CEP112: variants seen among roughly 807,000 people sequenced by gnomAD.
CEP112 encodes centrosomal protein of 112 kDa.
CEP112 carries 127 observed loss-of-function variants against 153.0 expected under a neutral mutation model. The ratio of observed to expected loss-of-function variants is 0.83; its 90% CI spans 0.72 to 0.96. The LOEUF is 0.96. CEP112 is among the 40% of genes least tolerant of loss of function. The probability of loss-of-function intolerance (pLI) is 0.00; values close to 1 mark genes in which losing one functional copy is unlikely to be tolerated. For synonymous variants in CEP112, 358 were observed against 374.4 expected, an observed-to-expected ratio of 0.96 and a Z score of 0.51; for missense variants, 1,089 against 1,101.2, an observed-to-expected ratio of 0.99 and a Z score of 0.16.
chr17:66,031,855 C>T (rs536758598), intron 12 of CEP112, among the ~76,000 whole-genome samples: 1 of 152,112 alleles, frequency 6.6e-6, no homozygotes, highest in Admixed American at 6.5e-5. Flanking sequence ...TGCTTTTACC[C>T]TAGAGGTATT....
intron 21 of CEP112, among the ~76,000 whole-genome samples, chr17:65,759,790 C>T (rs1201146372): frequency 1.3e-5 from 2 of 152,178 alleles, no homozygotes; most frequent in Admixed American, 1.3e-4. Flanking sequence ...CTGATTCTTT[C>T]ATCAGAATTC....
intron 8 of CEP112, among the ~76,000 whole-genome samples, chr17:66,083,396 G>C (rs1196242587): frequency 6.6e-6 from 1 of 151,852 alleles, no homozygotes; most frequent in African/African-American, 2.4e-5. Flanking sequence ...CCCAGTCTTG[G>C]GTATGTCTTT....
intron 24 of CEP112, among the ~76,000 whole-genome samples, chr17:65,660,323 T>C (rs754592856): frequency 0.018 from 1,570 of 86,894 alleles, 62 homozygotes; most frequent in African/African-American, 0.09. Context: ...TTTCTTCCTT[T>C]CTTTCTCTTT....
chr17:65,821,057 T>C (rs1296205257), intron 21 of CEP112, among the ~76,000 whole-genome samples: 1 of 151,840 alleles, frequency 6.6e-6, no homozygotes, highest in Non-Finnish European at 1.5e-5. Flanking sequence ...AAAACTCACA[T>C]CTGCACACAC....
intron 21 of CEP112, among the ~76,000 whole-genome samples, chr17:65,846,557 T>TTTTTGTTTTG (rs534407866): frequency 5.9e-5 from 9 of 152,050 alleles, no homozygotes; most frequent in African/African-American, 1.7e-4. Flanking sequence ...ATTATCATTC[T>TTTTTGTTTTG]TTTTGTTTTG....
intron 4 of CEP112, among the ~76,000 whole-genome samples, chr17:66,156,903 T>C (rs2071466343): frequency 6.6e-6 from 1 of 152,170 alleles, no homozygotes; most frequent in Non-Finnish European, 1.5e-5. Flanking sequence ...TACGTCTGAT[T>C]GGTGTACCTG....
Position 65,641,063 on chromosome 17 carries a change from T to C in CEP112, c.2700A>G (p.Ile900Met). ...TTTCATATTCTTGTCGTATGTAAGT[T>C]ATCTAAATTGGAAAAAAATTAAGAG... ...QHKELESQEQ[I>M]TYIRQEYETK... is the part of the protein sequence containing the mutation. The change falls in exon 25 of 27, where the codon ATA (isoleucine) becomes ATG (methionine). Residue 900 changes from isoleucine to methionine, a missense_variant and splice_region_variant. Transcript: ENST00000535342. The C allele has an allele frequency of 6.4e-7, 1 of 1,551,706 alleles. No homozygotes were observed. The highest frequency in any genetic ancestry group is 1.1e-5 in the South Asian group (1 of 88,774).
chr17:65,952,716 T>C (rs370158611), intron 18 of CEP112, among the ~76,000 whole-genome samples: 1 of 152,198 alleles, frequency 6.6e-6, no homozygotes, highest in South Asian at 2.1e-4. Context: ...TACTATTTTA[T>C]GTACCCATCA....
intron 23 of CEP112, among the ~76,000 whole-genome samples, chr17:65,718,921 G>C (rs924031018): frequency 2.0e-5 from 3 of 152,208 alleles, no homozygotes; most frequent in South Asian, 2.1e-4. Flanking sequence ...TTGCATCAGA[G>C]AGAGGTAGAG....
chr17:65,969,623 C>T (rs1226851556), intron 17 of CEP112, among the ~76,000 whole-genome samples: 1 of 152,182 alleles, frequency 6.6e-6, no homozygotes. Context: ...GTGCCGCATG[C>T]ACTGCACACA....
intron 21 of CEP112, among the ~76,000 whole-genome samples, chr17:65,760,660 A>T (rs1285822627): frequency 1.3e-5 from 2 of 152,068 alleles, no homozygotes; most frequent in Non-Finnish European, 2.9e-5. Flanking sequence ...ATATTTTGTT[A>T]AAGATTTTTT....
intron 4 of CEP112, among the ~76,000 whole-genome samples, chr17:66,139,651 A>T (rs1187283411): frequency 1.1e-4 from 16 of 152,142 alleles, no homozygotes; most frequent in Non-Finnish European, 2.4e-4. Flanking sequence ...AGAAAGTACT[A>T]TGAGCAACAG....
chr17:66,004,551 G>C (rs932380049), intron 17 of CEP112, among the ~76,000 whole-genome samples: 1 of 152,148 alleles, frequency 6.6e-6, no homozygotes, highest in African/African-American at 2.4e-5. Context: ...AATATCTAAT[G>C]AATATTATTG....
At position 65,852,034 on chromosome 17, in the gene CEP112, C is replaced by A. The variant is rs374657590; in HGVS notation, c.2164G>T (p.Val722Phe). Reference sequence around the variant, plus strand: ...ACCTGGGCCTCCATGTCGGCAATAACCTTGTTTTTAAAAATGGAAAAATGG... The same window carrying A: ...ACCTGGGCCTCCATGTCGGCAATAAACTTGTTTTTAAAAATGGAAAAATGG... ...IQEFKKRDAQ[V>F]IADMEAQVHK... The change falls in exon 21 of 27, where the codon GTT becomes TTT. Residue 722 changes from valine (V) to phenylalanine (F), a missense_variant and splice_region_variant. Val to Phe is a conservative substitution (Grantham distance 50). Coordinates refer to ENST00000535342, the MANE Select transcript of CEP112 (RefSeq NM_001199165.4). 4 of 1,595,856 alleles carry A rather than the reference C, an allele frequency of 2.5e-6. No individual in the cohort carries two copies. The highest frequency in any genetic ancestry group is 2.6e-6 in the Non-Finnish European group (3 of 1,174,602).
chr17:65,698,644 T>C (rs1332772029), intron 23 of CEP112, among the ~76,000 whole-genome samples: 1 of 152,160 alleles, frequency 6.6e-6, no homozygotes, highest in African/African-American at 2.4e-5. Context: ...AGTCTATTTC[T>C]ACTCAGGAAA....
intron 21 of CEP112, among the ~76,000 whole-genome samples, chr17:65,830,063 T>C (rs1015982791): frequency 1.3e-5 from 2 of 152,222 alleles, no homozygotes; most frequent in African/African-American, 2.4e-5. Context: ...AAAAAACAGA[T>C]GCACTGTCCA....
chr17:66,028,240 C>A, intron 15 of CEP112, 73 bp downstream of exon 15: 2 of 828,376 alleles, frequency 2.4e-6, no homozygotes, highest in Non-Finnish European at 1.9e-6. Flanking sequence ...TTTTAATTGA[C>A]TCTCAATGAT....
chr17:66,183,015 A>T (rs1306247324), intron 2 of CEP112, among the ~76,000 whole-genome samples, 179 bp downstream of exon 2: 1 of 152,242 alleles, frequency 6.6e-6, no homozygotes, highest in Non-Finnish European at 1.5e-5. Context: ...TTGGCAGGAC[A>T]TTATCACTGA....
chr17:66,004,971 C>A (rs938112187), intron 17 of CEP112, among the ~76,000 whole-genome samples: 1 of 152,110 alleles, frequency 6.6e-6, no homozygotes, highest in Non-Finnish European at 1.5e-5. Context: ...TCATTCTGTA[C>A]CAAATTGCCA....
Sources: allele counts gnomAD v4.1 joint callset (sites outside exome capture counted in the v4.1 genomes callset), GRCh38; gene constraint gnomAD v4.1.1; transcripts MANE v1.5; gene names NCBI Gene and HGNC (gene_info 2026-07-23, HGNC 2026-07-21).